FHL5: variants seen among roughly 807,000 people sequenced by gnomAD.
The protein encoded by FHL5 is four and a half LIM domains 5.
FHL5 carries 33 observed loss-of-function variants against 32.0 expected under a neutral mutation model. The observed-to-expected ratio is 1.03, with a 90% CI of 0.78 to 1.38. FHL5 has a LOEUF of 1.38. Among genes scored for constraint, FHL5 ranks in the 40% most tolerant of loss-of-function variants. The pLI is 0.00. For synonymous variants in FHL5, 114 were observed against 113.6 expected (o/e 1.00, Z -0.02); for missense variants, 336 against 343.9 (o/e 0.98, Z 0.18).
At chr6:96,584,456 TGTGTTTGTGTG>T (rs1562055766) in intron 1 of FHL5, among the ~76,000 whole-genome samples, 81 of 148,258 alleles carry the variant, frequency 5.5e-4, no homozygotes, top group Middle Eastern at 3.4e-3. Flanking sequence ...TGTGTGTGTG[TGTGTTTGTGTG>T]TGTGTGTGTG....
chr6:96,569,194 A>T (rs1442183981), intron 1 of FHL5, among the ~76,000 whole-genome samples: 1 of 151,920 alleles, frequency 6.6e-6, no homozygotes, highest in Admixed American at 6.5e-5. Flanking sequence ...TAATTTCTTC[A>T]TTGACTAATT....
intron 1 of FHL5, among the ~76,000 whole-genome samples, chr6:96,579,214 C>G (rs1770648838): frequency 6.6e-6 from 1 of 152,126 alleles, no homozygotes; most frequent in African/African-American, 2.4e-5. Flanking sequence ...TGCTACCTTC[C>G]TTAATTGTCT....
intron 1 of FHL5, among the ~76,000 whole-genome samples, chr6:96,582,937 C>T (rs1416757087): frequency 6.6e-6 from 1 of 152,050 alleles, no homozygotes; most frequent in Non-Finnish European, 1.5e-5. Context: ...AACTGACTTA[C>T]CCATGACTTT....
intron 1 of FHL5, among the ~76,000 whole-genome samples, chr6:96,600,938 G>A (rs1771133943): frequency 1.3e-5 from 2 of 152,146 alleles, no homozygotes; most frequent in South Asian, 4.1e-4. Context: ...AGTCCTACAA[G>A]TATAAAATCA....
chr6:96,603,062 G>C (rs2127972072), intron 1 of FHL5, among the ~76,000 whole-genome samples: 1 of 152,308 alleles, frequency 6.6e-6, no homozygotes, highest in African/African-American at 2.4e-5. Context: ...GAAGACCTCA[G>C]GGTAAATGTG....
intron 1 of FHL5, among the ~76,000 whole-genome samples, chr6:96,591,447 G>A (rs1347204533): frequency 1.3e-5 from 2 of 151,970 alleles, no homozygotes; most frequent in Admixed American, 1.3e-4. Flanking sequence ...GATCTCCAAT[G>A]TGTACTTTTG....
In FHL5 at chr6:96,615,895, T is replaced by A; in HGVS notation, c.*123T>A. 1 of 757,166 alleles carries A rather than the reference T, an allele frequency of 1.3e-6. No homozygotes were observed. Among genetic ancestry groups the A allele is most frequent in the African/African-American group, 1.8e-5 (1 of 55,492 alleles). 46.9% of individuals were successfully genotyped at this position (757,166 alleles called of 1,614,324 possible). A position where few individuals can be genotyped will look rare whatever the true frequency, so the allele number is the denominator to read the frequency against. ...ATTCATGTAGTTTAGAGTGGAAAAG[T>A]TTTTGCACACATTTTGATCGAACTA... is the stretch of plus-strand genomic sequence containing the variant. On this transcript the variant is annotated 3_prime_UTR_variant, in exon 6 of 6. Coordinates refer to ENST00000450218, the MANE Select transcript of FHL5 (RefSeq NM_001322466.2).
At position 96,599,411 on chromosome 6, in the gene FHL5, T is replaced by A. The variant is rs577590807; in HGVS notation, c.-12-4191T>A. Among the ~76,000 whole-genome samples, 35 of 152,200 alleles carry A rather than the reference T, an allele frequency of 2.3e-4. 1 individual carries two copies. Among genetic ancestry groups the A allele is most frequent in the Admixed American group, 2.0e-3 (31 of 15,272 alleles). On this transcript the variant is annotated intron_variant, in intron 1 of 5. Coordinates refer to ENST00000450218, the MANE Select transcript of FHL5 (RefSeq NM_001322466.2). ...GGTTTCTCCATGTTGGTCAGGCTGC[T>A]CTCAAACTCACGACGTCAGGTGATC...
At chr6:96,563,529 G>T (rs1454620118) in intron 1 of FHL5, among the ~76,000 whole-genome samples, 174 bp downstream of exon 1, 1 of 151,958 alleles carries the variant, frequency 6.6e-6, no homozygotes, top group Non-Finnish European at 1.5e-5. Context: ...TTAGCTAAAG[G>T]TTATCAAATT....
At chr6:96,606,679 C>T (rs575414396) in intron 4 of FHL5, among the ~76,000 whole-genome samples, 64 of 152,062 alleles carry the variant, frequency 4.2e-4, no homozygotes, top group Non-Finnish European at 6.3e-4. Flanking sequence ...CAAGATCTCA[C>T]GTATTCTGGG....
rs1184961057 is a variant in FHL5 at position 96,601,062 on chromosome 6, G to A, written c.-12-2540G>A. On this transcript the variant is annotated intron_variant, in intron 1 of 5. Transcript: ENST00000450218. The stretch of plus-strand genomic sequence containing the variant: ...AATTTCTTCTTTCCAGAGGCCAGGC[G>A]CGGTGGCTCACGCCTGTAATCCCAG... Among the ~76,000 whole-genome samples the A allele has an allele frequency of 5.3e-5, 8 of 152,042 alleles. No individual in the cohort carries two copies. In the East Asian group the frequency reaches 7.7e-4, roughly 15 times the overall value.
intron 1 of FHL5, among the ~76,000 whole-genome samples, chr6:96,592,839 C>T (rs749045767): frequency 2.1e-4 from 32 of 152,208 alleles, no homozygotes; most frequent in Middle Eastern, 6.8e-3. Flanking sequence ...ATTTGTCTTT[C>T]GTTTTTAGTA....
intron 1 of FHL5, among the ~76,000 whole-genome samples, chr6:96,580,727 A>G (rs1770680228): frequency 6.6e-6 from 1 of 152,198 alleles, no homozygotes; most frequent in African/African-American, 2.4e-5. Context: ...GAAAAGAATT[A>G]TGTGATTGAT....
intron 5 of FHL5, among the ~76,000 whole-genome samples, chr6:96,614,024 C>T (rs1771466138): frequency 6.6e-6 from 1 of 152,208 alleles, no homozygotes; most frequent in Admixed American, 6.5e-5. Flanking sequence ...TTTCTTACTG[C>T]AAACAACCCT....
At chr6:96,585,470 G>A (rs1288430726) in intron 1 of FHL5, among the ~76,000 whole-genome samples, 1 of 151,966 alleles carries the variant, frequency 6.6e-6, no homozygotes, top group Non-Finnish European at 1.5e-5. Flanking sequence ...AAAGGGCAGT[G>A]CACTTTTGCT....
chr6:96,602,209 G>A (rs1771162988), intron 1 of FHL5, among the ~76,000 whole-genome samples: 1 of 152,084 alleles, frequency 6.6e-6, no homozygotes, highest in African/African-American at 2.4e-5. Context: ...AAACTCTGTT[G>A]TATTATCGTT....
At chr6:96,574,209 G>T (rs1770541204) in intron 1 of FHL5, among the ~76,000 whole-genome samples, 1 of 152,042 alleles carries the variant, frequency 6.6e-6, no homozygotes, top group Non-Finnish European at 1.5e-5. Context: ...CTTTAAAGTA[G>T]TGTACAGAAA....
At chr6:96,592,597 A>G (rs2127967673) in intron 1 of FHL5, among the ~76,000 whole-genome samples, 1 of 152,330 alleles carries the variant, frequency 6.6e-6, no homozygotes, top group East Asian at 1.9e-4. Context: ...GGCATAGGAA[A>G]TCACAGGGGT....
intron 4 of FHL5, among the ~76,000 whole-genome samples, chr6:96,606,313 A>T (rs573772087): frequency 6.6e-6 from 1 of 151,660 alleles, no homozygotes; most frequent in South Asian, 2.1e-4. Context: ...AGCTCAAGTG[A>T]TTTGGTATTC....
Sources: allele counts gnomAD v4.1 joint callset (sites outside exome capture counted in the v4.1 genomes callset), GRCh38; gene constraint gnomAD v4.1.1; transcripts MANE v1.5; gene names NCBI Gene and HGNC (gene_info 2026-07-23, HGNC 2026-07-21).